RPP38: variants seen among roughly 807,000 people sequenced by gnomAD.
The protein encoded by RPP38 is ribonuclease P/MRP subunit p38, also known as ribonuclease P protein subunit p38.
RPP38 carries 2 observed loss-of-function variants against 1.7 expected under a neutral mutation model. The observed-to-expected ratio is 1.18, with a 90% CI of 0.48 to 3.70. The LOEUF (loss-of-function observed/expected upper bound fraction) is 3.70. Among genes scored for constraint, RPP38 ranks in the 30% most tolerant of loss-of-function variants. The probability of loss-of-function intolerance (pLI) is 0.07; values close to 1 mark genes in which losing one functional copy is unlikely to be tolerated. For synonymous variants in RPP38, 151 were observed against 131.8 expected (o/e 1.15, Z -1.00); for missense variants, 358 against 340.1 (o/e 1.05, Z -0.41).
chr10:15,102,146 G>GT (rs2131427529), intron 1 of RPP38, 72 bp from the exon 2 acceptor site: 1 of 151,958 alleles, frequency 6.6e-6, no homozygotes, highest in East Asian at 1.9e-4. Flanking sequence ...TGCTTACTGT[G>GT]AGCCCCAGGA....
intron 1 of RPP38, among the ~76,000 whole-genome samples, chr10:15,099,576 G>A (rs1233012922): frequency 6.6e-6 from 1 of 151,268 alleles, no homozygotes; most frequent in Admixed American, 6.6e-5. Flanking sequence ...CTGGGTTCAA[G>A]CAATTCCCCT....
intron 1 of RPP38, 125 bp downstream of exon 1, chr10:15,097,891 C>A (rs1844988362): frequency 6.6e-6 from 1 of 152,250 alleles, no homozygotes; most frequent in Non-Finnish European, 1.5e-5. Flanking sequence ...TTACTTCCAG[C>A]TGGTCACTAC....
At chr10:15,097,909 G>A (rs1360016648) in intron 1 of RPP38, 143 bp downstream of exon 1, 1 of 152,232 alleles carries the variant, frequency 6.6e-6, no homozygotes, top group Non-Finnish European at 1.5e-5. Flanking sequence ...TACTGTGTCG[G>A]GAGATTCTAC....
intron 1 of RPP38, among the ~76,000 whole-genome samples, chr10:15,099,569 G>A (rs1477756794): frequency 2.0e-5 from 3 of 151,634 alleles, no homozygotes; most frequent in Admixed American, 2.0e-4. Context: ...CCGCCTTCTG[G>A]GTTCAAGCAA....
chr10:15,103,262 C>G (rs898629576), intron 2 of RPP38, 43 bp from the exon 3 acceptor site: 6 of 1,513,760 alleles, frequency 4.0e-6, no homozygotes, highest in Non-Finnish European at 5.3e-6. Flanking sequence ...ATGCAGTTGT[C>G]GCTAACATGA....
chr10:15,104,110 C>G lies in RPP38; in HGVS notation c.796C>G (p.Pro266Ala). 6.3e-7 allele frequency: 1 copy of G among 1,594,952 alleles called. No homozygotes were observed. The highest frequency in any genetic ancestry group is 8.5e-7 in the Non-Finnish European group (1 of 1,175,210). The stretch of plus-strand genomic sequence containing the variant: ...ACCCCTTAAAATAAAGAAACTGATT[C>G]CAAACCCTAATAAGATAAGGAAACC... ...LQPLKIKKLI[P>A]NPNKIRKPPK... The change falls in exon 3 of 3, where the codon CCA (proline) becomes GCA (alanine). Residue 266 changes from proline to alanine, a missense_variant. Pro to Ala is a conservative substitution (Grantham distance 27, BLOSUM62 -1). Transcript: ENST00000378197.
Position 15,104,023 on chromosome 10 carries a change from G to T in RPP38, c.709G>T (p.Glu237Ter). 6.2e-7 allele frequency: 1 copy of T among 1,614,140 alleles called. No homozygotes were observed. Among genetic ancestry groups the T allele is most frequent in the Non-Finnish European group, 8.5e-7 (1 of 1,180,032 alleles). The change falls in exon 3 of 3, where the codon GAA (glutamate) becomes TAA (stop). Residue 237 changes from glutamate to a stop codon, truncating the protein, a stop_gained. Coordinates refer to ENST00000378197, the MANE Select transcript of RPP38 (RefSeq NM_183005.5). LOFTEE classifies it high-confidence loss of function. Reference protein sequence around the residue: ...QDRELLDTSFEDLSKPKRKLA... With the variant: ...QDRELLDTSF ...CAGAGAGCTTTTGGACACTTCATTT[G>T]AAGATCTGTCAAAACCTAAGAGAAA... is the stretch of plus-strand genomic sequence containing the variant.
chr10:15,099,190 T>C (rs940963651), intron 1 of RPP38, among the ~76,000 whole-genome samples: 8 of 152,104 alleles, frequency 5.3e-5, no homozygotes, highest in Admixed American at 2.6e-4. Context: ...GAGGGACTAA[T>C]GTGTATAAAG....
At position 15,104,252 on chromosome 10, in the gene RPP38, C is replaced by T; in HGVS notation, c.*86C>T. 1 of 1,271,796 alleles carries T rather than the reference C, an allele frequency of 7.9e-7. No individual in the cohort carries two copies. Among genetic ancestry groups the T allele is most frequent in the Non-Finnish European group, 1.1e-6 (1 of 919,350 alleles). The allele number at this position is 1,271,796 out of a possible 1,614,324, so 78.8% of individuals were successfully genotyped here. A position where few individuals can be genotyped will look rare whatever the true frequency, so the allele number is the denominator to read the frequency against. On this transcript the variant is annotated 3_prime_UTR_variant, in exon 3 of 3. Transcript: ENST00000378197. ...AAACTAATAAAATGAGTTATACTTA[C>T]ATAGATTCATAGGGTCCTGTTTGGT...
At chr10:15,098,745 GCGTGATGGC>G (rs774193459) in intron 1 of RPP38, among the ~76,000 whole-genome samples, 1 of 151,646 alleles carries the variant, frequency 6.6e-6, no homozygotes, top group East Asian at 2.0e-4. Flanking sequence ...AATTAGCCGG[GCGTGATGGC>G]CCGTGCCTGT....
chr10:15,099,476 C>CTTTT (rs758952385), intron 1 of RPP38, among the ~76,000 whole-genome samples: 29 of 141,966 alleles, frequency 2.0e-4, no homozygotes, highest in African/African-American at 6.7e-4. Context: ...TATAGAATTT[C>CTTTT]TTTTTTTTTT....
At chr10:15,103,105 T>A (rs1432497708) in intron 2 of RPP38, 200 bp from the exon 3 acceptor site, 2 of 349,966 alleles carry the variant, frequency 5.7e-6, no homozygotes, top group Non-Finnish European at 1.0e-5. Flanking sequence ...GGCAGGAGAA[T>A]CGCTTGAACC....
In RPP38 at chr10:15,097,480, C is replaced by G. The variant is rs1478612227; in HGVS notation, c.-416C>G. 6.6e-6 allele frequency: 1 copy of G among 152,250 alleles called. No homozygotes were observed. Among genetic ancestry groups the G allele is most frequent in the African/African-American group, 2.4e-5 (1 of 41,468 alleles). The allele number at this position is 152,250 out of a possible 1,614,324, so 9.4% of individuals were successfully genotyped here. A position where few individuals can be genotyped will look rare whatever the true frequency, so the allele number is the denominator to read the frequency against. ...GATCGGGCCCGGGACTCTGCGGAAT[C>G]TGGAGGCCGAAGCCCGCGCGCACGC... On this transcript the variant is annotated 5_prime_UTR_variant, in exon 1 of 3. In the 5' UTR this introduces an upstream ATG that the reference lacks. Coordinates refer to ENST00000378197, the MANE Select transcript of RPP38 (RefSeq NM_183005.5).
In RPP38 at chr10:15,104,137, C is replaced by T. The variant is rs1479034652; in HGVS notation, c.823C>T (p.Pro275Ser). The T allele has an allele frequency of 3.8e-6, 6 of 1,570,232 alleles. No homozygotes were observed. Among genetic ancestry groups the T allele is most frequent in the Middle Eastern group, 1.7e-4 (1 of 5,840 alleles). The change falls in exon 3 of 3, where the codon CCC (proline) becomes TCC (serine). Residue 275 changes from proline (P) to serine (S), a missense_variant. Pro to Ser is a moderately conservative substitution (Grantham distance 74). Transcript: ENST00000378197. The part of the protein sequence containing the change: ...IPNPNKIRKP[P>S]KSKKATPK The stretch of plus-strand genomic sequence containing the variant: ...AAACCCTAATAAGATAAGGAAACCA[C>T]CCAAAAGTAAAAAAGCTACTCCAAA...
chr10:15,103,283 T>C (rs1350194816), intron 2 of RPP38, 22 bp from the exon 3 acceptor site: 6 of 1,544,456 alleles, frequency 3.9e-6, no homozygotes, highest in Non-Finnish European at 5.2e-6. Context: ...ATTTTTTCTG[T>C]TGTCATTTTG....
rs904343493 is a variant in RPP38, at chr10:15,097,678, C to T, written c.-218C>T. On this transcript the variant is annotated 5_prime_UTR_variant, in exon 1 of 3. Transcript: ENST00000378197. ...GGGCACCAGGAGTACAAAGCGAAAA[C>T]CCCCGCCGGCCCTTCTGTTCTCCAC... 6.6e-6 allele frequency: 1 copy of T among 152,332 alleles called. No individual in the cohort carries two copies. The highest frequency in any genetic ancestry group is 1.5e-5 in the Non-Finnish European group (1 of 68,124). 9.4% of individuals were successfully genotyped at this position (152,332 alleles called of 1,614,324 possible).
chr10:15,102,642 T>G (rs1010723804), intron 2 of RPP38: 1 of 152,184 alleles, frequency 6.6e-6, no homozygotes, highest in African/African-American at 2.4e-5. Flanking sequence ...CAAATGGAAT[T>G]GTACTATGAT....
intron 1 of RPP38, 45 bp from the exon 2 acceptor site, chr10:15,102,173 C>G (rs1372730496): frequency 6.7e-6 from 1 of 149,798 alleles, no homozygotes; most frequent in Non-Finnish European, 1.5e-5. Flanking sequence ...ACACCACTTG[C>G]ATACTGGAGG....
chr10:15,101,064 T>C (rs1845095687), intron 1 of RPP38, among the ~76,000 whole-genome samples: 2 of 152,200 alleles, frequency 1.3e-5, no homozygotes, highest in Non-Finnish European at 2.9e-5. Context: ...GGACCAAGCA[T>C]CTGCATGTTT....
Sources: allele counts gnomAD v4.1 joint callset (sites outside exome capture counted in the v4.1 genomes callset), GRCh38; gene constraint gnomAD v4.1.1; transcripts MANE v1.5; gene names NCBI Gene and HGNC (gene_info 2026-07-23, HGNC 2026-07-21).